Variants in RPS6KA2 observed in about 807,000 individuals in gnomAD.
RPS6KA2 encodes the protein ribosomal protein S6 kinase alpha-2.
A neutral mutation model predicts 91.8 loss-of-function variants in RPS6KA2; 42 were observed. That is an observed-to-expected ratio of 0.46 (90% CI 0.36 to 0.59). The LOEUF (loss-of-function observed/expected upper bound fraction) is 0.59, where lower values mean the gene tolerates loss of function less well. Among genes scored for constraint, RPS6KA2 ranks in the 20% least tolerant of loss-of-function variants. The pLI is 0.00. For missense variants in RPS6KA2, 798 were observed against 978.5 expected (o/e 0.82, Z 2.46); for synonymous variants, 414 against 393.6 (o/e 1.05, Z -0.61).
chr6:166,607,044 A>G (rs1316251791), intron 1 of RPS6KA2, among the ~76,000 whole-genome samples: 1 of 150,438 alleles, frequency 6.6e-6, no homozygotes, highest in Non-Finnish European at 1.5e-5. Flanking sequence ...AGGGAGACTG[A>G]GGCAGAAGAA....
At chr6:166,483,765 T>G (rs1276824945) in intron 10 of RPS6KA2, among the ~76,000 whole-genome samples, 2 of 152,178 alleles carry the variant, frequency 1.3e-5, no homozygotes, top group African/African-American at 4.8e-5. Context: ...GGGTGCCAAC[T>G]AGAGCCGACT....
At chr6:166,513,042 C>T (rs1459301647) in intron 3 of RPS6KA2, among the ~76,000 whole-genome samples, 1 of 152,162 alleles carries the variant, frequency 6.6e-6, no homozygotes, top group East Asian at 1.9e-4. Flanking sequence ...TGTCTTGAGC[C>T]ACACATAAAA....
chr6:166,627,642 A>C (rs1288633784), upstream of RPS6KA2: 2 of 152,310 alleles, frequency 1.3e-5, no homozygotes, highest in African/African-American at 4.8e-5. Context: ...ATACCTAATG[A>C]GCCTCGGCCC....
Position 166,737,997 on chromosome 6 carries a change from T to G in RPS6KA2, c.123+120203A>C, listed in dbSNP as rs1169941695. 1.3e-5 allele frequency among the ~76,000 whole-genome samples: 2 copies of G among 152,206 alleles called. No individual in the cohort carries two copies. Among genetic ancestry groups the G allele is most frequent in the Admixed American group, 1.3e-4 (2 of 15,286 alleles). ...AATATTGTTTACATCCTCCTAGAAT[T>G]TATATGCATTCATACCATATTGTAT... On this transcript the variant is annotated intron_variant, in intron 2 of 21. Coordinates refer to the RPS6KA2 transcript ENST00000503859. This position sits in a 1 kb window ranked among gnomAD's most constrained non-coding sequence, Gnocchi z 4.3.
intron 2 of RPS6KA2, among the ~76,000 whole-genome samples, chr6:166,829,374 G>A (rs2128625801): frequency 6.6e-6 from 1 of 152,064 alleles, no homozygotes; most frequent in South Asian, 2.1e-4. Flanking sequence ...GGTGGATCAG[G>A]AAGTCAGGAG....
At chr6:166,810,696 T>A (rs1427040382) in intron 2 of RPS6KA2, among the ~76,000 whole-genome samples, 1 of 152,208 alleles carries the variant, frequency 6.6e-6, no homozygotes, top group African/African-American at 2.4e-5. Flanking sequence ...AAAGCCTATA[T>A]ATGGAAAACT....
At chr6:166,630,793 G>T (rs1787051569), upstream of RPS6KA2, among the ~76,000 whole-genome samples, 1 of 152,240 alleles carries the variant, frequency 6.6e-6, no homozygotes, top group African/African-American at 2.4e-5. Context: ...CTTTTCCTGG[G>T]CTGTGGATCC....
chr6:166,431,168 T>TC (rs1227539926), intron 15 of RPS6KA2, among the ~76,000 whole-genome samples: 1 of 152,204 alleles, frequency 6.6e-6, no homozygotes, highest in Admixed American at 6.5e-5. Flanking sequence ...CCTCAAGTGA[T>TC]CCGCCTGCCT....
At chr6:166,430,311 G>A in intron 16 of RPS6KA2, 142 bp downstream of exon 16, 2 of 803,320 alleles carry the variant, frequency 2.5e-6, no homozygotes, top group Non-Finnish European at 3.9e-6. Context: ...TGAGCCTCCA[G>A]ACACAAGAGA....
intron 16 of RPS6KA2, among the ~76,000 whole-genome samples, chr6:166,425,461 A>C (rs368947143): frequency 1.3e-5 from 2 of 152,188 alleles, no homozygotes; most frequent in East Asian, 3.8e-4. Flanking sequence ...TATTACCTTT[A>C]AATGTAAATG....
chr6:166,760,518 CTG>C (rs1778139564), intron 2 of RPS6KA2, among the ~76,000 whole-genome samples: 1 of 152,216 alleles, frequency 6.6e-6, no homozygotes, highest in Non-Finnish European at 1.5e-5. Context: ...TGGTTTGAGA[CTG>C]TGAGGACTCC....
intron 2 of RPS6KA2, among the ~76,000 whole-genome samples, chr6:166,729,576 G>A (rs1010815496): frequency 6.6e-6 from 1 of 152,260 alleles, no homozygotes; most frequent in Non-Finnish European, 1.5e-5. Flanking sequence ...TCCTGGGCTC[G>A]AGCAGTCTGC....
chr6:166,656,959 C>A (rs1273636041), intron 2 of RPS6KA2, among the ~76,000 whole-genome samples: 1 of 152,132 alleles, frequency 6.6e-6, no homozygotes, highest in African/African-American at 2.4e-5. Flanking sequence ...GCCACTCTGT[C>A]CTTGGGGCCC....
At chr6:166,690,084 T>C (rs1331464172) in intron 2 of RPS6KA2, among the ~76,000 whole-genome samples, 1 of 151,942 alleles carries the variant, frequency 6.6e-6, no homozygotes, top group Non-Finnish European at 1.5e-5. Flanking sequence ...GCCCTGGAGG[T>C]GGCCTGTCAG....
chr6:166,659,317 T>G (rs1788091872), intron 2 of RPS6KA2, among the ~76,000 whole-genome samples: 1 of 152,158 alleles, frequency 6.6e-6, no homozygotes, highest in Admixed American at 6.5e-5. Context: ...CTAATTGCAC[T>G]AACAGTCTCC....
At chr6:166,432,998 A>C (rs1204015684) in intron 14 of RPS6KA2, among the ~76,000 whole-genome samples, 1 of 151,416 alleles carries the variant, frequency 6.6e-6, no homozygotes, top group Non-Finnish European at 1.5e-5. Context: ...CTGTCTCAAA[A>C]AAAAAAAAAA....
intron 2 of RPS6KA2, among the ~76,000 whole-genome samples, chr6:166,774,098 G>T (rs1778551278): frequency 6.6e-6 from 1 of 152,146 alleles, no homozygotes; most frequent in Non-Finnish European, 1.5e-5. Flanking sequence ...TGAAAGGCAG[G>T]CACCATCGCT....
intron 1 of RPS6KA2, among the ~76,000 whole-genome samples, chr6:166,543,700 G>C (rs1479660318): frequency 6.6e-6 from 1 of 152,122 alleles, no homozygotes; most frequent in South Asian, 2.1e-4. Flanking sequence ...TCCTGTCTCC[G>C]GGCTTTATAA....
upstream of RPS6KA2, chr6:166,627,335 G>A (rs917244653): frequency 5.2e-6 from 3 of 575,086 alleles, no homozygotes; most frequent in African/African-American, 4.1e-5. Flanking sequence ...GCCCCGGCAC[G>A]CACACCTCCT....
Sources: allele counts gnomAD v4.1 joint callset (sites outside exome capture counted in the v4.1 genomes callset), GRCh38; gene constraint gnomAD v4.1.1; non-coding constraint Gnocchi (gnomAD v3.1); transcripts MANE v1.5; gene names NCBI Gene and HGNC (gene_info 2026-07-23, HGNC 2026-07-21).